ZFHX3: variants seen among roughly 807,000 people sequenced by gnomAD.
The protein encoded by ZFHX3 is zinc finger homeobox protein 3.
A neutral mutation model predicts 279.1 loss-of-function variants in ZFHX3; 42 were observed. The ratio of observed to expected loss-of-function variants is 0.15; its 90% CI spans 0.12 to 0.19. ZFHX3 has a LOEUF of 0.19. Among genes scored for constraint, ZFHX3 ranks in the 10% least tolerant of loss-of-function variants. ZFHX3 has a pLI of 1.00. For synonymous variants in ZFHX3, 2,293 were observed against 1,957.8 expected, an observed-to-expected ratio of 1.17 and a Z score of -4.52; for missense variants, 4,981 against 4,754.0, an observed-to-expected ratio of 1.05 and a Z score of -1.40.
At chr16:73,688,683 G>T (rs912764707) in intron 1 of ZFHX3, among the ~76,000 whole-genome samples, 2 of 152,092 alleles carry the variant, frequency 1.3e-5, no homozygotes, top group Non-Finnish European at 2.9e-5. Flanking sequence ...TTTCATAGCA[G>T]CCCTGATATG....
chr16:73,125,779 CATAT>C (rs71714497), intron 7 of ZFHX3, among the ~76,000 whole-genome samples: 3 of 150,964 alleles, frequency 2.0e-5, no homozygotes, highest in Admixed American at 6.6e-5. Context: ...AATAAACTCC[CATAT>C]ATATATATGT....
intron 5 of ZFHX3, among the ~76,000 whole-genome samples, chr16:73,225,044 C>T (rs1303133705): frequency 1.3e-5 from 2 of 152,026 alleles, no homozygotes; most frequent in Admixed American, 1.3e-4. Context: ...TAGATTTAGC[C>T]TCATCCTAAG....
chr16:73,628,393 T>C (rs754336542), intron 2 of ZFHX3, among the ~76,000 whole-genome samples: 2 of 152,198 alleles, frequency 1.3e-5, no homozygotes, highest in Admixed American at 6.5e-5. Context: ...CTTACAGAAA[T>C]AGTCTGCAGA....
intron 4 of ZFHX3, among the ~76,000 whole-genome samples, chr16:73,306,624 G>A (rs2015187151): frequency 1.3e-5 from 2 of 152,152 alleles, no homozygotes; most frequent in Admixed American, 6.5e-5. Flanking sequence ...CATCTGGCCC[G>A]CATGAATATT....
chr16:73,738,699 C>A (rs138826779), intron 1 of ZFHX3, among the ~76,000 whole-genome samples: 31 of 152,230 alleles, frequency 2.0e-4, no homozygotes, highest in African/African-American at 7.0e-4. Flanking sequence ...GTGAAGGTTG[C>A]TCAAAGACAC....
upstream of ZFHX3, among the ~76,000 whole-genome samples, chr16:73,050,835 G>A (rs918140555): frequency 2.0e-5 from 3 of 152,186 alleles, no homozygotes; most frequent in African/African-American, 7.2e-5. Flanking sequence ...CATCTGGAAA[G>A]CGTAATTGGC....
At chr16:73,255,951 A>G (rs111718825) in intron 5 of ZFHX3, among the ~76,000 whole-genome samples, 12 of 152,124 alleles carry the variant, frequency 7.9e-5, no homozygotes, top group Non-Finnish European at 1.5e-4. Flanking sequence ...ACATACAAAC[A>G]TGATTTCCTA....
chr16:73,538,255 G>C (rs982102449), intron 2 of ZFHX3, among the ~76,000 whole-genome samples: 1 of 152,096 alleles, frequency 6.6e-6, no homozygotes, highest in Admixed American at 6.6e-5. Flanking sequence ...CATGTCACCA[G>C]TTTTTCATCT....
chr16:73,604,162 T>G (rs1199440039), intron 2 of ZFHX3, among the ~76,000 whole-genome samples: 1 of 151,998 alleles, frequency 6.6e-6, no homozygotes, highest in African/African-American at 2.4e-5. Flanking sequence ...TAGATAGATA[T>G]AGATATATTA....
intron 3 of ZFHX3, among the ~76,000 whole-genome samples, chr16:72,932,653 C>CG (rs1959882517): frequency 9.7e-6 from 1 of 103,266 alleles, no homozygotes; most frequent in African/African-American, 3.5e-5. Context: ...TGCTCCGCAC[C>CG]AAAAAAAAAA....
intron 3 of ZFHX3, among the ~76,000 whole-genome samples, chr16:73,353,879 C>A (rs1284417825): frequency 6.6e-6 from 1 of 152,082 alleles, no homozygotes. Context: ...TTCATGATAA[C>A]GACAGGTAAC....
chr16:73,537,378 G>A (rs1287257465), intron 2 of ZFHX3, among the ~76,000 whole-genome samples: 12 of 138,734 alleles, frequency 8.6e-5, no homozygotes, highest in South Asian at 6.9e-4. Context: ...GTGCAGTGGC[G>A]CGATCTTGAC....
At chr16:73,495,842 T>C (rs2019131868) in intron 2 of ZFHX3, among the ~76,000 whole-genome samples, 1 of 152,250 alleles carries the variant, frequency 6.6e-6, no homozygotes, top group South Asian at 2.1e-4. Flanking sequence ...TGCACATTTC[T>C]GAAATAAACA....
intron 2 of ZFHX3, among the ~76,000 whole-genome samples, chr16:73,657,253 T>C (rs1361960110): frequency 6.6e-6 from 1 of 152,138 alleles, no homozygotes; most frequent in Non-Finnish European, 1.5e-5. Flanking sequence ...GGTTAGGAAT[T>C]CAAGACCAGC....
chr16:73,659,856 AC>A, intron 2 of ZFHX3, among the ~76,000 whole-genome samples: 1 of 152,290 alleles, frequency 6.6e-6, no homozygotes, highest in African/African-American at 2.4e-5. Context: ...TTGAAGCTTA[AC>A]AAAGCCATTT....
chr16:73,766,933 CTTT>C (rs3050427), intron 1 of ZFHX3, among the ~76,000 whole-genome samples: 23 of 129,250 alleles, frequency 1.8e-4, no homozygotes, highest in African/African-American at 5.6e-4. Flanking sequence ...TTTGCCATTA[CTTT>C]TTTTTTTTTT....
At chr16:73,354,953 G>T (rs1476979914) in intron 3 of ZFHX3, among the ~76,000 whole-genome samples, 1 of 152,126 alleles carries the variant, frequency 6.6e-6, no homozygotes, top group South Asian at 2.1e-4. Flanking sequence ...GGATTGATTG[G>T]CCTTTGATCA....
chr16:73,314,367 C>T (rs1401533269), intron 4 of ZFHX3, among the ~76,000 whole-genome samples: 2 of 152,196 alleles, frequency 1.3e-5, no homozygotes, highest in Admixed American at 6.5e-5. Flanking sequence ...TCCTTTTCTG[C>T]CTGTACCTTT....
At chr16:72,970,500 G>C (rs545878516) in intron 1 of ZFHX3, among the ~76,000 whole-genome samples, 31 of 152,208 alleles carry the variant, frequency 2.0e-4, no homozygotes, top group East Asian at 1.5e-3. Flanking sequence ...TCCTGACTTG[G>C]ATTTAATTAC....
Sources: allele counts gnomAD v4.1 joint callset (sites outside exome capture counted in the v4.1 genomes callset), GRCh38; gene constraint gnomAD v4.1.1; transcripts MANE v1.5; gene names NCBI Gene and HGNC (gene_info 2026-07-23, HGNC 2026-07-21).